Variants in PRKN observed in about 807,000 individuals in gnomAD.
PRKN encodes parkin RBR E3 ubiquitin protein ligase.
In PRKN, 56 loss-of-function variants were observed where a neutral mutation model predicts 59.5. The ratio of observed to expected loss-of-function variants is 0.94; its 90% CI spans 0.76 to 1.18. The LOEUF (loss-of-function observed/expected upper bound fraction) is 1.18, where lower values mean the gene tolerates loss of function less well. PRKN is among the 50% of genes most tolerant of loss of function. The probability of loss-of-function intolerance (pLI) is 0.00; values close to 1 mark genes in which losing one functional copy is unlikely to be tolerated. For synonymous variants in PRKN, 250 were observed against 222.1 expected, an observed-to-expected ratio of 1.13 and a Z score of -1.12; for missense variants, 657 against 596.4, an observed-to-expected ratio of 1.10 and a Z score of -1.06.
intron 5 of PRKN, among the ~76,000 whole-genome samples, chr6:162,038,393 T>C (rs1456184607): frequency 2.0e-5 from 3 of 152,172 alleles, no homozygotes; most frequent in African/African-American, 7.2e-5. Flanking sequence ...TCATAATAAC[T>C]ACAATTTATT....
At chr6:162,680,245 GTATA>G (rs1369979885) in intron 1 of PRKN, among the ~76,000 whole-genome samples, 1 of 150,660 alleles carries the variant, frequency 6.6e-6, no homozygotes, top group Admixed American at 6.6e-5. Context: ...ATGTATGTGT[GTATA>G]TACAGATACA....
Position 162,472,468 on chromosome 6 carries a change from T to TATATATATATATATATATATATATATA in PRKN, c.8-28996_8-28995insTATATATATATATATATATATATATAT, listed in dbSNP as rs1385821060. 1.7e-3 allele frequency among the ~76,000 whole-genome samples: 177 copies of TATATATATATATATATATATATATATA among 104,270 alleles called. 11 individuals are homozygous for TATATATATATATATATATATATATATA. The highest frequency in any genetic ancestry group is 1.9e-3 in the Non-Finnish European group (107 of 57,366). The allele number at this position is 104,270 out of a possible 152,430, so 68.4% of individuals were successfully genotyped here. On this transcript the variant is annotated intron_variant, in intron 1 of 11. Coordinates refer to ENST00000366898, the MANE Select transcript of PRKN (RefSeq NM_004562.3). ...AGTCCAAACTCTAACTTTTATTTTA[T>TATATATATATATATATATATATATATA]TTTATTTTATTTTATTTTATTTTAT...
At chr6:161,517,133 T>C (rs1030448152) in intron 9 of PRKN, among the ~76,000 whole-genome samples, 1 of 152,160 alleles carries the variant, frequency 6.6e-6, no homozygotes, top group Admixed American at 6.5e-5. Flanking sequence ...ATCAGCAACA[T>C]GGAAGCAAAA....
chr6:162,123,512 T>C (rs1781004539), intron 4 of PRKN, among the ~76,000 whole-genome samples: 1 of 152,232 alleles, frequency 6.6e-6, no homozygotes, highest in Admixed American at 6.5e-5. Flanking sequence ...TTTGTAATTT[T>C]GTGGTTAACT....
rs1787764294 is a variant in PRKN at position 161,414,801 on chromosome 6, C to A, written c.1084-27924G>T. On this transcript the variant is annotated intron_variant, in intron 9 of 11. Transcript: ENST00000366898. The surrounding 1 kb of genome is among the most constrained non-coding windows in gnomAD (Gnocchi z 5.3). ...AGGCAGGGCAGCCGCTGAACAGCAC[C>A]GGGAGGGTCTGTAGTTGCCAGACTC... Among the ~76,000 whole-genome samples, 1 of 152,156 alleles carries A rather than the reference C, an allele frequency of 6.6e-6. No homozygotes were observed. Among genetic ancestry groups the A allele is most frequent in the Non-Finnish European group, 1.5e-5 (1 of 68,036 alleles).
At chr6:162,083,210 C>T (rs1435447684) in intron 4 of PRKN, among the ~76,000 whole-genome samples, 4 of 151,910 alleles carry the variant, frequency 2.6e-5, no homozygotes, top group African/African-American at 9.7e-5. Context: ...CCGCCATATA[C>T]TTTTGAAAGA....
At position 161,401,403 on chromosome 6, in the gene PRKN, G is replaced by A. The variant is rs1447749902; in HGVS notation, c.1084-14526C>T. On this transcript the variant is annotated intron_variant, in intron 9 of 11. Transcript: ENST00000366898. This position sits in a 1 kb window ranked among gnomAD's most constrained non-coding sequence, Gnocchi z 4.4. ...AGGTGGGCAGATCACCTGAGGTTAG[G>A]AGTTTGAGACCAGCCTGGCCAACAT... Among the ~76,000 whole-genome samples, 1 of 152,126 alleles carries A rather than the reference G, an allele frequency of 6.6e-6. No individual in the cohort carries two copies. Among genetic ancestry groups the A allele is most frequent in the South Asian group, 2.1e-4 (1 of 4,824 alleles).
At chr6:162,305,026 C>G (rs1256692716) in intron 2 of PRKN, among the ~76,000 whole-genome samples, 1 of 152,098 alleles carries the variant, frequency 6.6e-6, no homozygotes, top group East Asian at 1.9e-4. Flanking sequence ...AGATATGGAA[C>G]AACAAAGCCA....
In PRKN at chr6:161,442,238, A is replaced by G. The variant is rs1435966959; in HGVS notation, c.1084-55361T>C. Among the ~76,000 whole-genome samples the G allele has an allele frequency of 6.6e-6, 1 of 152,194 alleles. No homozygotes were observed. Among genetic ancestry groups the G allele is most frequent in the African/African-American group, 2.4e-5 (1 of 41,442 alleles). ...ACTTCAATTTCTCTGAAATTGAAGG[A>G]GAATTATTTCTCCACTTCAAAAGTC... is the stretch of plus-strand genomic sequence containing the variant. On this transcript the variant is annotated intron_variant, in intron 9 of 11. Transcript: ENST00000366898. The surrounding 1 kb of genome is among the most constrained non-coding windows in gnomAD (Gnocchi z 4.6).
At chr6:162,020,332 C>CAAAAAAAAAAAA (rs771141235) in intron 5 of PRKN, among the ~76,000 whole-genome samples, 55 of 45,494 alleles carry the variant, frequency 1.2e-3, no homozygotes, top group Admixed American at 2.1e-3. Flanking sequence ...ACCAATGAAT[C>CAAAAAAAAAAAA]AAAAAAAAAA....
chr6:161,698,335 T>C (rs967552749), intron 7 of PRKN, among the ~76,000 whole-genome samples: 1 of 152,050 alleles, frequency 6.6e-6, no homozygotes, highest in African/African-American at 2.4e-5. Flanking sequence ...ATAAAAATAC[T>C]ATACAAGTCA....
In PRKN at chr6:162,442,650, G is replaced by C. The variant is rs536581012; in HGVS notation, c.171+660C>G. Among the ~76,000 whole-genome samples the C allele has an allele frequency of 3.4e-4, 52 of 152,294 alleles. 1 individual carries two copies. The South Asian group carries it at 0.01, about 30-fold the overall frequency. ...GCTCTGCTGGGGCCAGGAGAGAAGAGAGCATCGTTCACACTTATTACGTTG... is the reference window on the plus strand; with the variant it reads ...GCTCTGCTGGGGCCAGGAGAGAAGACAGCATCGTTCACACTTATTACGTTG... On this transcript the variant is annotated intron_variant, in intron 2 of 11. Coordinates refer to ENST00000366898, the MANE Select transcript of PRKN (RefSeq NM_004562.3).
chr6:162,285,319 G>C (rs565719740), intron 2 of PRKN, among the ~76,000 whole-genome samples: 52 of 110,534 alleles, frequency 4.7e-4, no homozygotes, highest in African/African-American at 1.8e-3. Context: ...ATATACTCTT[G>C]ACATAACATC....
At chr6:161,736,043 C>G (rs1182404467) in intron 7 of PRKN, among the ~76,000 whole-genome samples, 3 of 152,206 alleles carry the variant, frequency 2.0e-5, no homozygotes, top group Non-Finnish European at 1.5e-5. Context: ...CACAGCACAT[C>G]CTTCCCTGGA....
At chr6:162,651,540 G>A (rs538601485) in intron 1 of PRKN, among the ~76,000 whole-genome samples, 3 of 152,240 alleles carry the variant, frequency 2.0e-5, no homozygotes, top group East Asian at 1.9e-4. Flanking sequence ...AACCTCCTCC[G>A]TACCGAATTG....
In PRKN at chr6:161,525,500, C is replaced by T. The variant is rs1324013665; in HGVS notation, c.1083+23354G>A. Among the ~76,000 whole-genome samples the T allele has an allele frequency of 6.6e-6, 1 of 152,140 alleles. No individual in the cohort carries two copies. Among genetic ancestry groups the T allele is most frequent in the Non-Finnish European group, 1.5e-5 (1 of 68,040 alleles). On this transcript the variant is annotated intron_variant, in intron 9 of 11. Transcript: ENST00000366898. This position sits in a 1 kb window ranked among gnomAD's most constrained non-coding sequence, Gnocchi z 4.7. ...GTCAGGGATATTGGGAGCAGGAGAA[C>T]TGTGGTGCTGCATGAATTTAAGGGA...
chr6:162,429,085 G>C (rs1233351903), intron 2 of PRKN, among the ~76,000 whole-genome samples: 1 of 152,042 alleles, frequency 6.6e-6, no homozygotes. Context: ...CTTTAAACCT[G>C]AAGATTGTAT....
rs971160996 is a variant in PRKN at position 161,966,855 on chromosome 6, G to A, written c.734+6447C>T. Among the ~76,000 whole-genome samples the A allele has an allele frequency of 4.6e-5, 7 of 152,128 alleles. No individual in the cohort carries two copies. In the East Asian group the frequency reaches 7.7e-4, roughly 17 times the overall value. On this transcript the variant is annotated intron_variant, in intron 6 of 11. Coordinates refer to ENST00000366898, the MANE Select transcript of PRKN (RefSeq NM_004562.3). ...TTTGTTTGTTTGTTTGTTTTGAGAC[G>A]GAGTCTCGCTTTGTTGCCCAGGCTA...
intron 7 of PRKN, among the ~76,000 whole-genome samples, chr6:161,574,497 A>G (rs1781058899): frequency 6.6e-6 from 1 of 152,142 alleles, no homozygotes; most frequent in African/African-American, 2.4e-5. Flanking sequence ...ACTTTACGTA[A>G]TGAGTATTCC....
Sources: allele counts gnomAD v4.1 joint callset (sites outside exome capture counted in the v4.1 genomes callset), GRCh38; gene constraint gnomAD v4.1.1; non-coding constraint Gnocchi (gnomAD v3.1); transcripts MANE v1.5; gene names NCBI Gene and HGNC (gene_info 2026-07-23, HGNC 2026-07-21).